Variants in PTPRG observed in about 807,000 individuals in gnomAD.
PTPRG encodes the protein protein tyrosine phosphatase receptor type G, also known as receptor-type tyrosine-protein phosphatase gamma.
In PTPRG, 102 loss-of-function variants were observed where a neutral mutation model predicts 165.3. The observed-to-expected ratio is 0.62, with a 90% CI of 0.53 to 0.73. The LOEUF (loss-of-function observed/expected upper bound fraction) is 0.73, where lower values mean the gene tolerates loss of function less well. PTPRG is among the 30% of genes least tolerant of loss of function. The pLI, the probability that PTPRG is intolerant of heterozygous loss-of-function variation, is 0.00. For synonymous variants in PTPRG, 675 were observed against 669.5 expected (o/e 1.01, Z -0.13); for missense variants, 1,866 against 1,861.4 (o/e 1.00, Z -0.05).
intron 1 of PTPRG, among the ~76,000 whole-genome samples, chr3:61,747,938 T>C (rs55683743): frequency 0.013 from 1,936 of 152,268 alleles, 16 homozygotes; most frequent in African/African-American, 0.024. Context: ...TATACATCAG[T>C]GTTTTCAGGT....
chr3:62,131,667 C>G (rs1006287022), intron 5 of PTPRG, among the ~76,000 whole-genome samples: 2 of 152,044 alleles, frequency 1.3e-5, no homozygotes, highest in Non-Finnish European at 2.9e-5. Context: ...TTTTGAAAAA[C>G]TCTTTATTTT....
chr3:61,876,276 G>C lies in PTPRG; in HGVS notation c.191-113349G>C, dbSNP rs376636467. Among the ~76,000 whole-genome samples, 379 of 152,312 alleles carry C rather than the reference G, an allele frequency of 2.5e-3. 1 individual carries two copies. Among genetic ancestry groups the C allele is most frequent in the African/African-American group, 8.3e-3 (345 of 41,564 alleles). On this transcript the variant is annotated intron_variant, in intron 2 of 29. Coordinates refer to ENST00000474889, the MANE Select transcript of PTPRG (RefSeq NM_002841.4). ...ACAGGAGACTGAAGAACTTTTTATA[G>C]ATTGGGGAGGGCTAAGGAGAAATAA...
At chr3:61,742,571 C>G in intron 1 of PTPRG, 2 of 1,593,150 alleles carry the variant, frequency 1.3e-6, no homozygotes, top group Non-Finnish European at 1.7e-6. Context: ...ATGTTATACA[C>G]AAGCTCATCG....
chr3:62,040,525 C>T (rs1414131440), intron 4 of PTPRG, among the ~76,000 whole-genome samples: 1 of 152,232 alleles, frequency 6.6e-6, no homozygotes. Flanking sequence ...GCAATCTCAG[C>T]TCACTACAGC....
At chr3:62,234,742 A>G (rs908814520) in intron 14 of PTPRG, among the ~76,000 whole-genome samples, 3 of 151,968 alleles carry the variant, frequency 2.0e-5, no homozygotes, top group Admixed American at 6.6e-5. Context: ...AACTGTATTT[A>G]TGGTTCTTCT....
At chr3:61,613,805 T>A (rs1481405506) in intron 1 of PTPRG, among the ~76,000 whole-genome samples, 1 of 152,198 alleles carries the variant, frequency 6.6e-6, no homozygotes, top group South Asian at 2.1e-4. Context: ...GTTGAAAGAA[T>A]TGTGAGGTGA....
At chr3:61,895,067 TA>T (rs1247037718) in intron 2 of PTPRG, among the ~76,000 whole-genome samples, 1 of 152,148 alleles carries the variant, frequency 6.6e-6, no homozygotes, top group Non-Finnish European at 1.5e-5. Context: ...AAACATCCCC[TA>T]GGGGCAGAAT....
intron 2 of PTPRG, among the ~76,000 whole-genome samples, chr3:61,790,265 G>T (rs1185182996): frequency 6.6e-6 from 1 of 152,172 alleles, no homozygotes; most frequent in Non-Finnish European, 1.5e-5. Flanking sequence ...ACTTGCTGGG[G>T]TGGTGAACCA....
chr3:61,953,076 C>CT (rs2039936792), intron 2 of PTPRG, among the ~76,000 whole-genome samples: 1 of 152,176 alleles, frequency 6.6e-6, no homozygotes, highest in South Asian at 2.1e-4. Flanking sequence ...GCCCTTTCTA[C>CT]TTACCGTGCC....
chr3:62,245,957 T>C lies in PTPRG; in HGVS notation c.2467+2059T>C, dbSNP rs1701280546. ...CTTGCAACACCTTTGAGTAGGTATA[T>C]TAGACCAGAAATTGCTTTTGAATGT... On this transcript the variant is annotated intron_variant, in intron 15 of 29. Coordinates refer to ENST00000474889, the MANE Select transcript of PTPRG (RefSeq NM_002841.4). This position sits in a 1 kb window ranked among gnomAD's most constrained non-coding sequence, Gnocchi z 4.2. Among the ~76,000 whole-genome samples the C allele has an allele frequency of 6.6e-6, 1 of 152,172 alleles. No homozygotes were observed. The highest frequency in any genetic ancestry group is 6.5e-5 in the Admixed American group (1 of 15,270).
chr3:61,888,199 TTGTGTGTGTG>T (rs58409759), intron 2 of PTPRG, among the ~76,000 whole-genome samples: 2 of 150,146 alleles, frequency 1.3e-5, no homozygotes, highest in African/African-American at 4.9e-5. Context: ...TTTTAAATCT[TTGTGTGTGTG>T]TGTGTGTGTG....
At chr3:62,037,336 T>C (rs1371586216) in intron 4 of PTPRG, among the ~76,000 whole-genome samples, 6 of 152,190 alleles carry the variant, frequency 3.9e-5, no homozygotes, top group African/African-American at 9.6e-5. Flanking sequence ...ATTGTCTCAA[T>C]TGATGTCTCC....
At chr3:61,698,264 TAGTC>T (rs748798481) in intron 1 of PTPRG, among the ~76,000 whole-genome samples, 4 of 152,134 alleles carry the variant, frequency 2.6e-5, no homozygotes, top group Non-Finnish European at 4.4e-5. Flanking sequence ...ACATAAGAGA[TAGTC>T]AGTTAATGTT....
At chr3:61,898,246 G>A (rs1484283906) in intron 2 of PTPRG, among the ~76,000 whole-genome samples, 1 of 152,098 alleles carries the variant, frequency 6.6e-6, no homozygotes, top group Non-Finnish European at 1.5e-5. Flanking sequence ...AGTGAGACAA[G>A]GTCTCACTAT....
intron 2 of PTPRG, among the ~76,000 whole-genome samples, chr3:61,960,835 A>G (rs568894915): frequency 6.6e-6 from 1 of 152,222 alleles, no homozygotes; most frequent in African/African-American, 2.4e-5. Context: ...CCTGTAGCTC[A>G]GCTTTTGAAT....
At chr3:61,845,820 T>C (rs1041927838) in intron 2 of PTPRG, among the ~76,000 whole-genome samples, 1 of 152,128 alleles carries the variant, frequency 6.6e-6, no homozygotes, top group Non-Finnish European at 1.5e-5. Context: ...GGAGACAGTT[T>C]TGAAATCCCA....
intron 2 of PTPRG, chr3:61,771,184 G>T (rs2034196685): frequency 6.6e-6 from 1 of 152,108 alleles, no homozygotes; most frequent in Admixed American, 6.6e-5. Context: ...GAAAAAATAA[G>T]ATGCATTCTA....
intron 4 of PTPRG, among the ~76,000 whole-genome samples, chr3:62,027,224 G>T: frequency 6.6e-6 from 1 of 152,142 alleles, no homozygotes; most frequent in East Asian, 1.9e-4. Context: ...CTAACTGATA[G>T]TGTGGAGAAG....
chr3:62,021,543 T>C (rs1164162858), intron 4 of PTPRG, among the ~76,000 whole-genome samples: 1 of 152,206 alleles, frequency 6.6e-6, no homozygotes, highest in African/African-American at 2.4e-5. Context: ...TCGGCCTTCA[T>C]GATGTACTTA....
Sources: allele counts gnomAD v4.1 joint callset (sites outside exome capture counted in the v4.1 genomes callset), GRCh38; gene constraint gnomAD v4.1.1; non-coding constraint Gnocchi (gnomAD v3.1); transcripts MANE v1.5; gene names NCBI Gene and HGNC (gene_info 2026-07-23, HGNC 2026-07-21).